The following AFG2A variants were observed in gnomAD, a reference collection of about 807,000 sequenced individuals.
AFG2A encodes ATPase family gene 2 protein homolog A.
At chr4:123,227,948 C>T in the AFG2A span, among the ~76,000 whole-genome samples, 2 of 152,016 alleles carry the variant, frequency 1.3e-5, no homozygotes, top group Admixed American at 6.6e-5. Flanking sequence ...TTGAATTGAT[C>T]CCTTTACCAT....
the AFG2A span, among the ~76,000 whole-genome samples, chr4:123,245,862 T>A: frequency 0.057 from 8,677 of 152,302 alleles, 340 homozygotes; most frequent in Middle Eastern, 0.16. Flanking sequence ...ACAAAGAACT[T>A]TATAACCCTA....
At chr4:122,973,032 T>C in the AFG2A span, among the ~76,000 whole-genome samples, 4 of 152,132 alleles carry the variant, frequency 2.6e-5, no homozygotes, top group Non-Finnish European at 5.9e-5. Context: ...GCAGGCAAGG[T>C]CTGTTTCTCC....
At chr4:123,128,384 C>T in the AFG2A span, among the ~76,000 whole-genome samples, 5 of 151,962 alleles carry the variant, frequency 3.3e-5, no homozygotes, top group African/African-American at 4.8e-5. Flanking sequence ...ATAATTGTTG[C>T]TTTTTGTTTT....
At chr4:123,057,517 G>C in the AFG2A span, among the ~76,000 whole-genome samples, 1 of 151,994 alleles carries the variant, frequency 6.6e-6, no homozygotes, top group Non-Finnish European at 1.5e-5. Flanking sequence ...ATACCTGTCT[G>C]GGCATTTGAG....
the AFG2A span, among the ~76,000 whole-genome samples, chr4:123,169,081 A>G: frequency 6.6e-6 from 1 of 152,190 alleles, no homozygotes; most frequent in Non-Finnish European, 1.5e-5. Flanking sequence ...AGAGGGTTGC[A>G]CTTTCAATGC....
the AFG2A span, among the ~76,000 whole-genome samples, chr4:123,004,226 C>A: frequency 6.6e-6 from 1 of 152,180 alleles, no homozygotes; most frequent in South Asian, 2.1e-4. Flanking sequence ...CTTTCCTTGA[C>A]CAGGAAAGGG....
chr4:123,025,828 A>C, the AFG2A span, among the ~76,000 whole-genome samples: 1 of 152,172 alleles, frequency 6.6e-6, no homozygotes, highest in African/African-American at 2.4e-5. Context: ...AATACCAAGA[A>C]TGTGCTGCAT....
chr4:123,014,763 TTTAC>T, the AFG2A span, among the ~76,000 whole-genome samples: 3 of 152,208 alleles, frequency 2.0e-5, no homozygotes, highest in African/African-American at 7.2e-5. Context: ...TCTTAATGTC[TTTAC>T]TTATTAAATA....
the AFG2A span, among the ~76,000 whole-genome samples, chr4:123,264,109 A>C: frequency 5.3e-5 from 8 of 152,214 alleles, no homozygotes; most frequent in African/African-American, 1.9e-4. Context: ...GTAACTCAGA[A>C]ACAGAAACCC....
At chr4:123,012,163 G>A in the AFG2A span, among the ~76,000 whole-genome samples, 23 of 142,070 alleles carry the variant, frequency 1.6e-4, no homozygotes, top group Non-Finnish European at 2.3e-4. Context: ...AAGTGGAGAA[G>A]GGGTGGGTAG....
At chr4:122,959,538 G>A in the AFG2A span, among the ~76,000 whole-genome samples, 3 of 152,178 alleles carry the variant, frequency 2.0e-5, no homozygotes, top group African/African-American at 7.2e-5. Context: ...CCCTCTTCTG[G>A]ACTGCCGCAT....
the AFG2A span, among the ~76,000 whole-genome samples, chr4:122,989,474 A>T: frequency 6.6e-6 from 1 of 151,968 alleles, no homozygotes; most frequent in East Asian, 1.9e-4. Flanking sequence ...GCCTGTGTCT[A>T]TGGGGGTGAT....
the AFG2A span, among the ~76,000 whole-genome samples, chr4:122,977,200 G>A: frequency 9.9e-5 from 15 of 152,194 alleles, no homozygotes; most frequent in Admixed American, 3.3e-4. Flanking sequence ...CTCTGCCCGA[G>A]TTATATCCTC....
At chr4:123,045,417 T>C in the AFG2A span, among the ~76,000 whole-genome samples, 1 of 152,216 alleles carries the variant, frequency 6.6e-6, no homozygotes, top group Non-Finnish European at 1.5e-5. Context: ...ATAATTTCCT[T>C]TATGACAAAA....
At chr4:122,935,737 T>C in the AFG2A span, 46 of 1,608,976 alleles carry the variant, frequency 2.9e-5, no homozygotes, top group Non-Finnish European at 3.6e-5. Context: ...TAGAGGAGTG[T>C]TACTTTATGG....
the AFG2A span, among the ~76,000 whole-genome samples, chr4:123,108,069 G>A: frequency 3.9e-5 from 6 of 152,212 alleles, no homozygotes; most frequent in Non-Finnish European, 8.8e-5. Context: ...GCTCCTGCCC[G>A]TTCGCAGCCT....
chr4:123,007,642 AACAC>A, the AFG2A span, among the ~76,000 whole-genome samples: 1 of 25,510 alleles, frequency 3.9e-5, no homozygotes. Flanking sequence ...ACACACACAC[AACAC>A]ACACACACAC....
chr4:122,947,103 C>T, the AFG2A span: 137 of 725,994 alleles, frequency 1.9e-4, 1 homozygote, highest in Middle Eastern at 1.3e-3. Context: ...GTAATGAAAG[C>T]GTAAGAAATA....
the AFG2A span, among the ~76,000 whole-genome samples, chr4:123,005,108 C>CT: frequency 6.6e-6 from 1 of 151,972 alleles, no homozygotes; most frequent in Admixed American, 6.6e-5. Context: ...TTTTCCTTGG[C>CT]TAGAGGTCTG....
Sources: gnomAD v4.1 joint callset for allele counts (sites outside exome capture counted in the v4.1 genomes callset) on GRCh38, gnomAD v4.1.1 for gene constraint, MANE v1.5 for transcripts, NCBI Gene and HGNC (gene_info 2026-07-23, HGNC 2026-07-21) for gene names.